The following NDC80 variants were observed in gnomAD, a reference collection of about 807,000 sequenced individuals.
The protein encoded by NDC80 is NDC80 kinetochore complex component, also known as kinetochore protein NDC80 homolog.
NDC80 carries 69 observed loss-of-function variants against 89.3 expected under a neutral mutation model. The ratio of observed to expected loss-of-function variants is 0.77; its 90% CI spans 0.64 to 0.94. The LOEUF is 0.94. NDC80 is among the 40% of genes least tolerant of loss of function. NDC80 has a pLI of 0.00. For missense variants in NDC80, 593 were observed against 739.6 expected (o/e 0.80, Z 2.30); for synonymous variants, 243 against 255.6 (o/e 0.95, Z 0.47).
At chr18:2,607,965 G>GTGTATATATATA (rs1284761469) in intron 14 of NDC80, among the ~76,000 whole-genome samples, 1 of 68,150 alleles carries the variant, frequency 1.5e-5, no homozygotes, top group Non-Finnish European at 2.7e-5. Flanking sequence ...TATATACATA[G>GTGTATATATATA]TATATATATA....
intron 16 of NDC80, chr18:2,614,492 G>GAAAGAAA: frequency 1.8e-4 from 1 of 5,604 alleles, no homozygotes; most frequent in Non-Finnish European, 2.9e-4. Context: ...AGGAAGGAAG[G>GAAAGAAA]AAGGAAGGAA....
intron 2 of NDC80, among the ~76,000 whole-genome samples, chr18:2,573,963 G>C (rs1017208290): frequency 9.2e-5 from 14 of 151,896 alleles, no homozygotes; most frequent in African/African-American, 2.9e-4. Flanking sequence ...ATGTAAATGT[G>C]GTTAAGATAA....
At chr18:2,578,750 C>A (rs930769061) in intron 5 of NDC80, among the ~76,000 whole-genome samples, 177 bp from the exon 6 acceptor site, 1 of 152,132 alleles carries the variant, frequency 6.6e-6, no homozygotes, top group Non-Finnish European at 1.5e-5. Context: ...AAGTAATCTA[C>A]AGAGAAATAC....
intron 14 of NDC80, among the ~76,000 whole-genome samples, chr18:2,606,959 T>C (rs892840908): frequency 2.8e-4 from 43 of 152,084 alleles, no homozygotes; most frequent in Non-Finnish European, 4.4e-4. Flanking sequence ...AGAAGGTGGG[T>C]AAAATAAAAA....
chr18:2,589,087 A>G, intron 8 of NDC80, 117 bp from the exon 9 acceptor site: 1 of 695,906 alleles, frequency 1.4e-6, no homozygotes, highest in Non-Finnish European at 2.6e-6. Flanking sequence ...GTACTTCACT[A>G]ATAGTGTTTT....
Position 2,578,951 on chromosome 18 carries a change from C to T in NDC80, c.501C>T (p.Ser167=), listed in dbSNP as rs750324556. The T allele has an allele frequency of 6.4e-6, 10 of 1,557,274 alleles. No individual in the cohort carries two copies. The highest frequency in any genetic ancestry group is 1.7e-4 in the Middle Eastern group (1 of 5,850). The change falls in exon 6 of 17, where the codon AGC becomes AGT. Residue 167 remains serine, a synonymous_variant. Transcript: ENST00000261597. ...DLGYPFALSK[S]SMYTVGAPHT... ...GGTATCCTTTTGCACTATCCAAAAG[C>T]TCCATGTACACAGTGGGGGCTCCTC...
intron 1 of NDC80, among the ~76,000 whole-genome samples, chr18:2,572,711 C>T (rs918536324): frequency 6.6e-6 from 1 of 152,146 alleles, no homozygotes; most frequent in Non-Finnish European, 1.5e-5. Flanking sequence ...CTTTGCATCT[C>T]CTGCATTGCC....
Position 2,599,105 on chromosome 18 carries a change from C to T in NDC80, c.1308C>T (p.Asp436=), listed in dbSNP as rs140891179. The T allele has an allele frequency of 1.1e-5, 18 of 1,613,216 alleles. No individual in the cohort carries two copies. The African/African-American group carries it at 2.4e-4, about 22-fold the overall frequency. ...PKGAENSKGY[D]FEIKFNPEAG... is the part of the protein sequence containing the mutation. The stretch of plus-strand genomic sequence containing the variant: ...GTGCTGAGAATTCCAAAGGTTATGA[C>T]TTTGAAATTAAGTTTAATCCCGAGG... Residue 436 remains aspartate, a synonymous_variant, in exon 12 of 17, where the codon GAC becomes GAT. Transcript: ENST00000261597.
chr18:2,593,110 A>G (rs1352891811), intron 10 of NDC80, among the ~76,000 whole-genome samples: 1 of 142,730 alleles, frequency 7.0e-6, no homozygotes, highest in African/African-American at 2.6e-5. Context: ...CCTGGAGTGC[A>G]ATGGCACGAT....
At position 2,578,160 on chromosome 18, in the gene NDC80, A is replaced by G. The variant is rs762007417; in HGVS notation, c.476+19A>G. 2.3e-5 allele frequency: 37 copies of G among 1,596,100 alleles called. No homozygotes were observed. The highest frequency in any genetic ancestry group is 3.0e-5 in the Non-Finnish European group (35 of 1,171,280). On this transcript the variant is annotated intron_variant, in intron 5 of 16. Transcript: ENST00000261597. ...ACCTTGGGTATGTATATTTCTTATTAGTTTAGAGACATGACTGGCACACAG... is the reference window on the plus strand; with the variant it reads ...ACCTTGGGTATGTATATTTCTTATTGGTTTAGAGACATGACTGGCACACAG...
At chr18:2,602,471 C>G (rs968215469) in intron 13 of NDC80, among the ~76,000 whole-genome samples, 1 of 152,072 alleles carries the variant, frequency 6.6e-6, no homozygotes, top group African/African-American at 2.4e-5. Flanking sequence ...GGAATTTGCT[C>G]CCTGGGACTG....
chr18:2,587,786 T>C, intron 7 of NDC80, 44 bp from the exon 8 acceptor site: 6 of 1,483,632 alleles, frequency 4.0e-6, no homozygotes, highest in Non-Finnish European at 5.6e-6. Context: ...ACAGACCAAA[T>C]AGAGAATCAT....
intron 6 of NDC80, among the ~76,000 whole-genome samples, chr18:2,584,311 T>A (rs1485507125): frequency 6.6e-6 from 1 of 151,346 alleles, no homozygotes; most frequent in African/African-American, 2.4e-5. Context: ...AATACATATT[T>A]ATATCTAGAT....
intron 12 of NDC80, among the ~76,000 whole-genome samples, chr18:2,600,960 G>A (rs941296508): frequency 3.9e-5 from 6 of 152,180 alleles, no homozygotes; most frequent in Non-Finnish European, 8.8e-5. Flanking sequence ...GTTAAAGTCA[G>A]TAGAACAGAA....
At chr18:2,615,525 TA>T (rs1192777589) in intron 16 of NDC80, among the ~76,000 whole-genome samples, 1 of 152,234 alleles carries the variant, frequency 6.6e-6, no homozygotes, top group Non-Finnish European at 1.5e-5. Context: ...CCCACCTGGA[TA>T]GTGCAGGATA....
rs1399508080 is a variant in NDC80 at position 2,587,929 on chromosome 18, T to C, written c.763+6T>C. 6 of 1,612,078 alleles carry C rather than the reference T, an allele frequency of 3.7e-6. No individual in the cohort carries two copies. The highest frequency in any genetic ancestry group is 5.1e-6 in the Non-Finnish European group (6 of 1,178,388). ...AGAGCTGCAGTCAAAACTGAGTAAG[T>C]GTTCTCGTTCTTAGGGTGCTTGCTT... On this transcript the variant is annotated splice_donor_region_variant and intron_variant, in intron 8 of 16. Transcript: ENST00000261597.
intron 6 of NDC80, among the ~76,000 whole-genome samples, chr18:2,581,516 A>C (rs887112172): frequency 1.3e-5 from 2 of 152,210 alleles, no homozygotes; most frequent in African/African-American, 4.8e-5. Context: ...CAAAAATATT[A>C]GCCGGGTGTG....
At chr18:2,599,669 T>A (rs1356720105) in intron 12 of NDC80, among the ~76,000 whole-genome samples, 9 of 152,176 alleles carry the variant, frequency 5.9e-5, no homozygotes, top group Admixed American at 5.9e-4. Context: ...AAGGAGAAAT[T>A]GGTGCCTAAT....
Position 2,599,579 on chromosome 18 carries a change from T to C in NDC80, c.1374+408T>C, listed in dbSNP as rs2072674042. ...AAAGATGAGACATATATGGGAAGGG[T>C]CTGTAGAAAGAATTCCAGGCACAAG... On this transcript the variant is annotated intron_variant, in intron 12 of 16. Coordinates refer to ENST00000261597, the MANE Select transcript of NDC80 (RefSeq NM_006101.3). Among the ~76,000 whole-genome samples, 4 of 152,034 alleles carry C rather than the reference T, an allele frequency of 2.6e-5. No individual in the cohort carries two copies. In the South Asian group the frequency reaches 8.3e-4, roughly 32 times the overall value.
Sources: allele counts gnomAD v4.1 joint callset (sites outside exome capture counted in the v4.1 genomes callset), GRCh38; gene constraint gnomAD v4.1.1; transcripts MANE v1.5; gene names NCBI Gene and HGNC (gene_info 2026-07-23, HGNC 2026-07-21).